LARP4B: variants seen among roughly 807,000 people sequenced by gnomAD.
LARP4B encodes the protein La ribonucleoprotein 4B.
A neutral mutation model predicts 89.8 loss-of-function variants in LARP4B; 12 were observed. That is an observed-to-expected ratio of 0.13 (90% CI 0.09 to 0.22). The LOEUF is 0.22. Among genes scored for constraint, LARP4B ranks in the 10% least tolerant of loss-of-function variants. The probability of loss-of-function intolerance (pLI) is 1.00; values close to 1 mark genes in which losing one functional copy is unlikely to be tolerated. For missense variants in LARP4B, 757 were observed against 947.7 expected (o/e 0.80, Z 2.64); for synonymous variants, 367 against 363.3 (o/e 1.01, Z -0.12).
At chr10:945,782 C>T in the LARP4B span, among the ~76,000 whole-genome samples, 3 of 152,172 alleles carry the variant, frequency 2.0e-5, no homozygotes, top group East Asian at 5.8e-4. Flanking sequence ...TTAACCCCCA[C>T]CATGGCTCTC....
At chr10:896,032 C>G (rs1326522016) in intron 1 of LARP4B, among the ~76,000 whole-genome samples, 2 of 152,232 alleles carry the variant, frequency 1.3e-5, no homozygotes, top group Non-Finnish European at 2.9e-5. Flanking sequence ...CACTGCTGCC[C>G]ACGCAGGAGA....
At chr10:893,255 C>A (rs1304301941) in intron 1 of LARP4B, among the ~76,000 whole-genome samples, 1 of 151,896 alleles carries the variant, frequency 6.6e-6, no homozygotes, top group African/African-American at 2.4e-5. Context: ...TAGGCTTGTT[C>A]TTTGAGGTAA....
the LARP4B span, chr10:971,664 C>T: frequency 6.6e-6 from 1 of 152,102 alleles, no homozygotes; most frequent in Non-Finnish European, 1.5e-5. Context: ...AGTTTGAAGG[C>T]ACTAGAGATC....
intron 3 of LARP4B, among the ~76,000 whole-genome samples, chr10:881,689 A>G (rs142453951): frequency 1.4e-3 from 218 of 152,336 alleles, no homozygotes; most frequent in African/African-American, 5.0e-3. Flanking sequence ...AGGTGAGAAC[A>G]TTCAAAATGA....
intron 3 of LARP4B, among the ~76,000 whole-genome samples, chr10:883,023 T>C (rs755838066): frequency 1.3e-5 from 2 of 152,212 alleles, no homozygotes; most frequent in African/African-American, 2.4e-5. Flanking sequence ...TTAGAAAACA[T>C]TCATAGCAAT....
At chr10:858,259 T>C (rs747663608) in intron 5 of LARP4B, among the ~76,000 whole-genome samples, 5 of 152,104 alleles carry the variant, frequency 3.3e-5, no homozygotes, top group East Asian at 1.9e-4. Flanking sequence ...ACATGGCCAA[T>C]TGTTTTTTTT....
intron 1 of LARP4B, among the ~76,000 whole-genome samples, chr10:917,701 A>G (rs556058298): frequency 6.6e-6 from 1 of 152,260 alleles, no homozygotes; most frequent in Non-Finnish European, 1.5e-5. Flanking sequence ...TCATGTAAGT[A>G]TTACCAGCAT....
At chr10:961,094 G>A in the LARP4B span, among the ~76,000 whole-genome samples, 1 of 152,200 alleles carries the variant, frequency 6.6e-6, no homozygotes, top group African/African-American at 2.4e-5. Flanking sequence ...ACCTACCTAA[G>A]TTCTGTGTCC....
At chr10:951,040 T>C in the LARP4B span, among the ~76,000 whole-genome samples, 216 of 152,006 alleles carry the variant, frequency 1.4e-3, no homozygotes, top group East Asian at 0.03. Context: ...CTCTCTCTCT[T>C]TCTTCTTTTC....
rs1005977308 is a variant in LARP4B, at chr10:810,685, C to T, written c.*2241G>A. The stretch of plus-strand genomic sequence containing the variant: ...GGGAATGGCTGATGGCGCCCTGGCC[C>T]TTCCGTAGCGAAGATGCAGCTCGTA... On this transcript the variant is annotated 3_prime_UTR_variant, in exon 18 of 18. Transcript: ENST00000316157. 1 of 152,222 alleles carries T rather than the reference C, an allele frequency of 6.6e-6. No homozygotes were observed. Among genetic ancestry groups the T allele is most frequent in the Non-Finnish European group, 1.5e-5 (1 of 68,038 alleles). The allele number at this position is 152,222 out of a possible 1,614,324, so 9.4% of individuals were successfully genotyped here.
intron 5 of LARP4B, among the ~76,000 whole-genome samples, 164 bp downstream of exon 5, chr10:863,579 A>T (rs1834738058): frequency 6.6e-6 from 1 of 152,064 alleles, no homozygotes; most frequent in Non-Finnish European, 1.5e-5. Context: ...CTCCCTAACC[A>T]GGGCCTCTCA....
intron 3 of LARP4B, among the ~76,000 whole-genome samples, chr10:876,380 C>T (rs1387416289): frequency 6.6e-6 from 1 of 151,644 alleles, no homozygotes; most frequent in African/African-American, 2.4e-5. Flanking sequence ...AGCAAAACTC[C>T]GTCTCAGAAA....
intron 1 of LARP4B, among the ~76,000 whole-genome samples, chr10:900,931 T>TTG (rs1305707490): frequency 2.2e-4 from 32 of 145,910 alleles, no homozygotes; most frequent in Admixed American, 2.1e-3. Context: ...TTTTTTTTTT[T>TTG]TTTTTGAGAC....
intron 5 of LARP4B, among the ~76,000 whole-genome samples, chr10:859,270 C>A (rs1834469040): frequency 2.1e-5 from 1 of 47,936 alleles, no homozygotes. Flanking sequence ...CAGAATTATT[C>A]CATTTCAAAA....
At position 888,802 on chromosome 10, in the gene LARP4B, T is replaced by C. The variant is rs144523357; in HGVS notation, c.-39-3042A>G. ...TGCAAAGTGAAAACTGTAAGAATAT[T>C]ACGGCAGGGCGCAGTGGCTCGCGCC... On this transcript the variant is annotated intron_variant, in intron 1 of 17. Coordinates refer to ENST00000316157, the MANE Select transcript of LARP4B (RefSeq NM_015155.3). Among the ~76,000 whole-genome samples the C allele has an allele frequency of 5.3e-3, 808 of 152,290 alleles. 5 individuals are homozygous for C. Among genetic ancestry groups the C allele is most frequent in the African/African-American group, 0.018 (757 of 41,564 alleles).
intron 5 of LARP4B, among the ~76,000 whole-genome samples, chr10:862,981 C>A (rs555617084): frequency 1.3e-5 from 2 of 152,250 alleles, no homozygotes; most frequent in East Asian, 3.9e-4. Flanking sequence ...CACACTCCTG[C>A]AAAATTTACC....
rs748105633 is a variant in LARP4B, at chr10:864,207, G to T, written c.205C>A (p.His69Asn). 2 of 1,614,042 alleles carry T rather than the reference G, an allele frequency of 1.2e-6. No individual in the cohort carries two copies. Among genetic ancestry groups the T allele is most frequent in the South Asian group, 1.1e-5 (1 of 91,092 alleles). Residue 69 changes from histidine (H) to asparagine (N), a missense_variant, in exon 4 of 18, where the codon CAT becomes AAT. By Grantham distance (68) the His-to-Asn change is moderately conservative. Around this residue, in one of 5 missense-constraint regions of LARP4B, gnomAD observed 175 missense variants for 187.0 expected, o/e 0.94. Coordinates refer to ENST00000316157, the MANE Select transcript of LARP4B (RefSeq NM_015155.3). ...TCAGCAGCACTGCTTGCTTCCAGAT[G>T]TAACACAGGAGCCCCCCACACTTCT... ...NAEVWGAPVL[H>N]LEASSAADGV...
intron 1 of LARP4B, among the ~76,000 whole-genome samples, chr10:916,836 A>G (rs780101291): frequency 6.6e-6 from 1 of 152,160 alleles, no homozygotes; most frequent in East Asian, 1.9e-4. Flanking sequence ...AGCTACAACT[A>G]TAAGCACACA....
At chr10:906,444 T>A (rs1836495225) in intron 1 of LARP4B, among the ~76,000 whole-genome samples, 1 of 152,176 alleles carries the variant, frequency 6.6e-6, no homozygotes, top group Non-Finnish European at 1.5e-5. Flanking sequence ...ACTCCACTGG[T>A]GGGAAGAGGG....
Sources: allele counts gnomAD v4.1 joint callset (sites outside exome capture counted in the v4.1 genomes callset), GRCh38; gene constraint gnomAD v4.1.1; regional missense constraint gnomAD v4.1.1; transcripts MANE v1.5; gene names NCBI Gene and HGNC (gene_info 2026-07-23, HGNC 2026-07-21).